Variants in GALNTL6 observed in about 807,000 individuals in gnomAD.
GALNTL6 encodes polypeptide N-acetylgalactosaminyltransferase-like 6.
A neutral mutation model predicts 73.7 loss-of-function variants in GALNTL6; 46 were observed. That is an observed-to-expected ratio of 0.62 (90% CI 0.49 to 0.80). The LOEUF (loss-of-function observed/expected upper bound fraction) is 0.80. Among genes scored for constraint, GALNTL6 ranks in the 30% least tolerant of loss-of-function variants. The probability of loss-of-function intolerance (pLI) is 0.00; values close to 1 mark genes in which losing one functional copy is unlikely to be tolerated. For synonymous variants in GALNTL6, 259 were observed against 263.7 expected (o/e 0.98, Z 0.17); for missense variants, 604 against 755.0 (o/e 0.80, Z 2.34).
At chr4:172,059,230 CA>C (rs2110877221) in intron 2 of GALNTL6, among the ~76,000 whole-genome samples, 1 of 152,248 alleles carries the variant, frequency 6.6e-6, no homozygotes, top group East Asian at 1.9e-4. Flanking sequence ...TATTCTGATT[CA>C]GACAGAATAA....
At chr4:172,176,346 A>AAAAAAAAAAAAAAAAAAAAAAAAAAAG (rs1463765997) in intron 2 of GALNTL6, among the ~76,000 whole-genome samples, 1 of 147,892 alleles carries the variant, frequency 6.8e-6, no homozygotes. Flanking sequence ...TCAAAAAAAA[A>AAAAAAAAAAAAAAAAAAAAAAAAAAAG]AAAAAAAAAA....
chr4:172,010,611 G>C (rs1740977914), intron 2 of GALNTL6, among the ~76,000 whole-genome samples: 1 of 151,308 alleles, frequency 6.6e-6, no homozygotes. Flanking sequence ...TTTTTTTAAA[G>C]CTGCTGTGTC....
At chr4:172,300,953 T>C (rs978563513) in intron 3 of GALNTL6, among the ~76,000 whole-genome samples, 3 of 152,252 alleles carry the variant, frequency 2.0e-5, no homozygotes, top group African/African-American at 7.2e-5. Context: ...GATAATTTCC[T>C]GCAGAGTGTT....
chr4:172,490,483 C>A (rs1733857682), intron 5 of GALNTL6, among the ~76,000 whole-genome samples: 1 of 152,074 alleles, frequency 6.6e-6, no homozygotes, highest in African/African-American at 2.4e-5. Context: ...TTATTTCAAA[C>A]TCTTCATATT....
intron 9 of GALNTL6, among the ~76,000 whole-genome samples, chr4:172,932,092 T>C (rs1326514426): frequency 1.3e-5 from 2 of 152,240 alleles, no homozygotes; most frequent in African/African-American, 2.4e-5. Context: ...TTCATTTTGG[T>C]TCTTTTACTA....
At chr4:172,982,630 A>G (rs1437826079) in intron 10 of GALNTL6, among the ~76,000 whole-genome samples, 2 of 152,210 alleles carry the variant, frequency 1.3e-5, no homozygotes, top group Non-Finnish European at 2.9e-5. Context: ...CTACTGACTC[A>G]CTATAAATTA....
intron 2 of GALNTL6, among the ~76,000 whole-genome samples, chr4:172,138,958 C>G (rs1733728553): frequency 6.6e-6 from 1 of 152,014 alleles, no homozygotes; most frequent in Admixed American, 6.6e-5. Context: ...ACCAATATTT[C>G]CTCTAACATA....
intron 8 of GALNTL6, among the ~76,000 whole-genome samples, chr4:172,929,501 G>A (rs1203876436): frequency 2.0e-5 from 3 of 152,136 alleles, no homozygotes; most frequent in African/African-American, 4.8e-5. Flanking sequence ...AGCTTGGTAA[G>A]TCCACAATCT....
At chr4:172,363,423 G>C (rs901315598) in intron 5 of GALNTL6, among the ~76,000 whole-genome samples, 1 of 152,140 alleles carries the variant, frequency 6.6e-6, no homozygotes, top group Admixed American at 6.5e-5. Flanking sequence ...CCATGACTCA[G>C]TTTCTCTCAT....
At chr4:172,479,578 G>T (rs1431494261) in intron 5 of GALNTL6, among the ~76,000 whole-genome samples, 3 of 152,030 alleles carry the variant, frequency 2.0e-5, no homozygotes, top group Non-Finnish European at 2.9e-5. Context: ...GGGAAACAAA[G>T]GATTAAAAAA....
chr4:172,978,611 T>G (rs1402600208), intron 10 of GALNTL6, among the ~76,000 whole-genome samples: 2 of 152,162 alleles, frequency 1.3e-5, no homozygotes, highest in African/African-American at 4.8e-5. Flanking sequence ...GTTACCCAAT[T>G]TCAGTGCGTA....
At chr4:172,437,510 G>T (rs867418716) in intron 5 of GALNTL6, among the ~76,000 whole-genome samples, 1 of 152,030 alleles carries the variant, frequency 6.6e-6, no homozygotes, top group Non-Finnish European at 1.5e-5. Context: ...GAAAGAAAAA[G>T]AAATGTGATA....
At chr4:172,606,619 G>GTA (rs199738387) in intron 5 of GALNTL6, among the ~76,000 whole-genome samples, 30 of 33,054 alleles carry the variant, frequency 9.1e-4, no homozygotes, top group East Asian at 2.7e-3. Context: ...TACATATATA[G>GTA]TATATATATA....
At chr4:172,956,162 G>T (rs1022820598) in intron 10 of GALNTL6, among the ~76,000 whole-genome samples, 1 of 152,120 alleles carries the variant, frequency 6.6e-6, no homozygotes, top group Non-Finnish European at 1.5e-5. Context: ...GATAATGCGC[G>T]ATGTTTCTCA....
intron 2 of GALNTL6, among the ~76,000 whole-genome samples, chr4:172,227,694 T>A (rs867999373): frequency 3.3e-5 from 5 of 152,348 alleles, no homozygotes; most frequent in South Asian, 2.1e-4. Context: ...TCTTCTTTCC[T>A]GATGCATCTG....
chr4:171,821,958 ATGTAT>A (rs1363879967), intron 2 of GALNTL6, among the ~76,000 whole-genome samples: 1 of 152,066 alleles, frequency 6.6e-6, no homozygotes, highest in Non-Finnish European at 1.5e-5. Flanking sequence ...TTAGTTCTTG[ATGTAT>A]TGTATTGAAA....
intron 5 of GALNTL6, among the ~76,000 whole-genome samples, chr4:172,396,045 GA>G (rs1743838025): frequency 6.6e-6 from 1 of 151,992 alleles, no homozygotes; most frequent in African/African-American, 2.4e-5. Flanking sequence ...AAAAGTCATG[GA>G]AACACTCCAG....
intron 3 of GALNTL6, among the ~76,000 whole-genome samples, chr4:172,275,368 A>G (rs1259759583): frequency 6.6e-6 from 1 of 152,200 alleles, no homozygotes; most frequent in Non-Finnish European, 1.5e-5. Flanking sequence ...GTATTTGTTA[A>G]GAATATGTCT....
At chr4:172,095,025 A>G (rs1732312215) in intron 2 of GALNTL6, among the ~76,000 whole-genome samples, 1 of 151,252 alleles carries the variant, frequency 6.6e-6, no homozygotes, top group Non-Finnish European at 1.5e-5. Flanking sequence ...AAAAAATCAC[A>G]TGGGAAGTAC....
Sources: allele counts gnomAD v4.1 joint callset (sites outside exome capture counted in the v4.1 genomes callset), GRCh38; gene constraint gnomAD v4.1.1; transcripts MANE v1.5; gene names NCBI Gene and HGNC (gene_info 2026-07-23, HGNC 2026-07-21).